DNAH7: variants seen among roughly 807,000 people sequenced by gnomAD.
The protein encoded by DNAH7 is dynein axonemal heavy chain 7.
DNAH7 carries 397 observed loss-of-function variants against 444.6 expected under a neutral mutation model. The ratio of observed to expected loss-of-function variants is 0.89; its 90% CI spans 0.82 to 0.97. The LOEUF (loss-of-function observed/expected upper bound fraction) is 0.97. DNAH7 is among the 50% of genes least tolerant of loss of function. The pLI, the probability that DNAH7 is intolerant of heterozygous loss-of-function variation, is 0.00. For synonymous variants in DNAH7, 1,636 were observed against 1,624.4 expected (o/e 1.01, Z -0.17); for missense variants, 4,902 against 4,800.8 (o/e 1.02, Z -0.62).
In DNAH7 at chr2:195,808,779, TC is replaced by T. The variant is rs773280554; in HGVS notation, c.9985del (p.Asp3329MetfsTer6). 19 of 1,613,934 alleles carry T rather than the reference TC, an allele frequency of 1.2e-5. No homozygotes were observed. The highest frequency in any genetic ancestry group is 1.4e-5 in the Non-Finnish European group (16 of 1,179,964). ...LCTWLPQKSW[D>X]EICRLDDLPA... is the part of the protein sequence containing the mutation. ...CAAATCATCTAATCGACATATTTCA[TC>T]CCAGGATTTCTGAGGAAGCCATGTA... On this transcript the variant is annotated frameshift_variant, in exon 53 of 65. Coordinates refer to ENST00000312428, the MANE Select transcript of DNAH7 (RefSeq NM_018897.3). LOFTEE classifies it high-confidence loss of function.
chr2:195,787,249 GC>G, intron 57 of DNAH7, 78 bp from the exon 58 acceptor site: 2 of 1,436,616 alleles, frequency 1.4e-6, no homozygotes, highest in Non-Finnish European at 1.9e-6. Context: ...TAAAATGAAA[GC>G]AAATTTCTTT....
chr2:195,862,983 C>T (rs1448702725), intron 41 of DNAH7, among the ~76,000 whole-genome samples: 1 of 152,076 alleles, frequency 6.6e-6, no homozygotes, highest in Non-Finnish European at 1.5e-5. Context: ...TTGCAGTGAG[C>T]CAAGATTGTA....
At chr2:196,045,833 GA>G (rs1463678380) in intron 5 of DNAH7, among the ~76,000 whole-genome samples, 5 of 151,618 alleles carry the variant, frequency 3.3e-5, no homozygotes, top group African/African-American at 7.3e-5. Context: ...CAGAAAAAGA[GA>G]AAAAAATAAG....
intron 64 of DNAH7, 81 bp from the exon 65 acceptor site, chr2:195,738,208 CAG>C: frequency 7.8e-7 from 1 of 1,285,728 alleles, no homozygotes; most frequent in African/African-American, 1.5e-5. Context: ...ATAGTATTCT[CAG>C]AGTAAGGTTA....
At chr2:195,758,836 A>T (rs946417596) in intron 61 of DNAH7, among the ~76,000 whole-genome samples, 7 of 152,238 alleles carry the variant, frequency 4.6e-5, no homozygotes. Context: ...TGAAAGAAGC[A>T]TTTAGACCAA....
chr2:195,761,529 G>A (rs1190238396), intron 61 of DNAH7, among the ~76,000 whole-genome samples: 1 of 151,982 alleles, frequency 6.6e-6, no homozygotes, highest in Admixed American at 6.6e-5. Flanking sequence ...AAGACTCAAG[G>A]CATTTAACAA....
At chr2:195,828,313 A>G (rs1697882072) in intron 48 of DNAH7, among the ~76,000 whole-genome samples, 2 of 152,170 alleles carry the variant, frequency 1.3e-5, no homozygotes, top group Non-Finnish European at 2.9e-5. Context: ...GGCCGGGCAC[A>G]GTGGCTCATG....
chr2:195,804,492 T>C (rs1410483501), intron 54 of DNAH7, among the ~76,000 whole-genome samples: 1 of 152,214 alleles, frequency 6.6e-6, no homozygotes, highest in Non-Finnish European at 1.5e-5. Flanking sequence ...ATAGACTGAG[T>C]TTAGCTGTGC....
intron 8 of DNAH7, 151 bp downstream of exon 8, chr2:196,024,278 T>C: frequency 2.2e-6 from 1 of 464,474 alleles, no homozygotes; most frequent in Non-Finnish European, 3.6e-6. Flanking sequence ...TGCAATAAGA[T>C]GAGGCATGCC....
intron 9 of DNAH7, among the ~76,000 whole-genome samples, chr2:196,016,687 C>T (rs774129635): frequency 6.6e-5 from 10 of 152,014 alleles, no homozygotes; most frequent in East Asian, 1.9e-4. Context: ...CAAAGTAAGC[C>T]GAGTCTGTAA....
intron 46 of DNAH7, among the ~76,000 whole-genome samples, chr2:195,851,597 A>G (rs1014192899): frequency 6.6e-6 from 1 of 152,172 alleles, no homozygotes; most frequent in Non-Finnish European, 1.5e-5. Flanking sequence ...CCATTCTGAT[A>G]GTAGCTAGGT....
Position 195,934,762 on chromosome 2 carries a change from A to G in DNAH7, c.3300T>C (p.Phe1100=). The part of the protein sequence containing the change: ...TRVQPHLKKC[F]EGIAKVEFTE... The stretch of plus-strand genomic sequence containing the variant: ...TAAATTCTACCTTTGCGATTCCTTC[A>G]AAACATTTCTTCAAGTGAGGTTGCA... The change falls in exon 21 of 65, where the codon TTT becomes TTC. Residue 1100 remains phenylalanine (F), a synonymous_variant. Transcript: ENST00000312428. The G allele has an allele frequency of 6.2e-7, 1 of 1,614,120 alleles. No homozygotes were observed. The highest frequency in any genetic ancestry group is 8.5e-7 in the Non-Finnish European group (1 of 1,179,992).
intron 63 of DNAH7, among the ~76,000 whole-genome samples, chr2:195,752,281 A>AAG (rs1693839085): frequency 6.6e-6 from 1 of 152,004 alleles, no homozygotes; most frequent in Admixed American, 6.6e-5. Context: ...AAAAAAAAAA[A>AAG]AAAAAAATTG....
At chr2:195,865,727 G>A (rs1700291652) in intron 40 of DNAH7, among the ~76,000 whole-genome samples, 1 of 152,122 alleles carries the variant, frequency 6.6e-6, no homozygotes, top group African/African-American at 2.4e-5. Context: ...AAATTCTTAT[G>A]TTGAAGCCAT....
At chr2:196,025,166 G>T (rs1371191248) in intron 7 of DNAH7, among the ~76,000 whole-genome samples, 1 of 152,132 alleles carries the variant, frequency 6.6e-6, no homozygotes, top group Non-Finnish European at 1.5e-5. Flanking sequence ...TCAGGGAGGG[G>T]AGTGTCCTGG....
rs1257218033 is a variant in DNAH7 at position 195,857,731 on chromosome 2, T to C, written c.8068-8A>G. The C allele has an allele frequency of 3.2e-6, 5 of 1,560,374 alleles. No individual in the cohort carries two copies. The highest frequency in any genetic ancestry group is 1.7e-4 in the Middle Eastern group (1 of 5,780). Reference sequence around the variant, plus strand: ...TTTTACCACTGTAATATCCTTGAAATAACAACGTTAATTATTTTAAAAGAC... The same window carrying C: ...TTTTACCACTGTAATATCCTTGAAACAACAACGTTAATTATTTTAAAAGAC... On this transcript the variant is annotated splice_polypyrimidine_tract_variant and splice_region_variant and intron_variant, in intron 43 of 64. Transcript: ENST00000312428.
chr2:196,039,436 T>C (rs1179308718), intron 5 of DNAH7, among the ~76,000 whole-genome samples: 4 of 151,792 alleles, frequency 2.6e-5, no homozygotes, highest in African/African-American at 4.8e-5. Flanking sequence ...CTTAAGGAAA[T>C]AGAAAAGCAA....
At chr2:195,807,582 T>C (rs1006305592) in intron 53 of DNAH7, among the ~76,000 whole-genome samples, 2 of 152,216 alleles carry the variant, frequency 1.3e-5, no homozygotes, top group Non-Finnish European at 2.9e-5. Flanking sequence ...TCTTGTTTTT[T>C]AAAAATACTG....
chr2:195,856,038 G>T, intron 44 of DNAH7, 47 bp from the exon 45 acceptor site: 1 of 1,533,534 alleles, frequency 6.5e-7, no homozygotes, highest in Non-Finnish European at 8.9e-7. Context: ...TAATATTCCA[G>T]TACACTTTCT....
Sources: gnomAD v4.1 joint callset for allele counts (sites outside exome capture counted in the v4.1 genomes callset) on GRCh38, gnomAD v4.1.1 for gene constraint, MANE v1.5 for transcripts, NCBI Gene and HGNC (gene_info 2026-07-23, HGNC 2026-07-21) for gene names.